Variants in CFAP46 observed in about 807,000 individuals in gnomAD.
CFAP46 encodes the protein cilia and flagella associated protein 46, also known as cilia- and flagella-associated protein 46.
A neutral mutation model predicts 325.7 loss-of-function variants in CFAP46; 245 were observed. The ratio of observed to expected loss-of-function variants is 0.75; its 90% CI spans 0.68 to 0.84. CFAP46 has a LOEUF of 0.84. Among genes scored for constraint, CFAP46 ranks in the 40% least tolerant of loss-of-function variants. CFAP46 has a pLI of 0.00. For synonymous variants in CFAP46, 1,523 were observed against 1,495.9 expected (o/e 1.02, Z -0.42); for missense variants, 3,346 against 3,543.0 (o/e 0.94, Z 1.41).
chr10:132,809,850 G>A (rs138723318), intron 57 of CFAP46, among the ~76,000 whole-genome samples: 1,817 of 152,296 alleles, frequency 0.012, 48 homozygotes, highest in African/African-American at 0.041. Flanking sequence ...AGAGAGGGAC[G>A]GGCGCTGGAT....
At position 132,924,846 on chromosome 10, in the gene CFAP46, T is replaced by C; in HGVS notation, c.1106A>G (p.Gln369Arg). 1 of 1,434,682 alleles carries C rather than the reference T, an allele frequency of 7.0e-7. No homozygotes were observed. Among genetic ancestry groups the C allele is most frequent in the Non-Finnish European group, 9.2e-7 (1 of 1,087,080 alleles). 88.9% of individuals were successfully genotyped at this position (1,434,682 alleles called of 1,614,324 possible). ...DIIQRLDVAL[Q>R]RAVRLGDPRV... ...GGGGTCGCCCAGGCGCACGGCTCGC[T>C]GCAGCGCGACGTCTAGCCTCTGTAT... Residue 369 changes from glutamine to arginine, a missense_variant, in exon 11 of 58, where the codon CAG (glutamine) becomes CGG (arginine). Coordinates refer to ENST00000368586, the MANE Select transcript of CFAP46 (RefSeq NM_001200049.3).
At chr10:132,916,761 C>T in intron 16 of CFAP46, 79 bp from the exon 17 acceptor site, 1 of 1,396,076 alleles carries the variant, frequency 7.2e-7, no homozygotes, top group South Asian at 1.6e-5. Context: ...ACACGCCCTT[C>T]CCTCAGCTCT....
At chr10:132,841,809 C>T (rs12266964) in intron 44 of CFAP46, among the ~76,000 whole-genome samples, 2 of 152,130 alleles carry the variant, frequency 1.3e-5, no homozygotes, top group African/African-American at 2.4e-5. Context: ...ATTTAGGGAG[C>T]ATGGTCCCCA....
rs1591087381 is a variant in CFAP46 at position 132,913,056 on chromosome 10, C to T, written c.2323G>A (p.Gly775Ser). 4.5e-6 allele frequency: 7 copies of T among 1,549,992 alleles called. No homozygotes were observed. The highest frequency in any genetic ancestry group is 1.7e-4 in the Middle Eastern group (1 of 5,722). ...YHLLSIVKAT[G>S]HSGDPVMLVT... ...ACAGCCCACACGCACCCACTGTGGC[C>T]TGTGGCCTTAACGATGCTCAGGAGG... Residue 775 changes from glycine (G) to serine (S), a missense_variant, in exon 18 of 58, where the codon GGC (glycine) becomes AGC (serine). Transcript: ENST00000368586.
chr10:132,818,437 C>G (rs1176105760), intron 50 of CFAP46, among the ~76,000 whole-genome samples: 1 of 152,100 alleles, frequency 6.6e-6, no homozygotes, highest in Non-Finnish European at 1.5e-5. Flanking sequence ...CACCTAATGA[C>G]AAACCACAGC....
intron 48 of CFAP46, 116 bp from the exon 49 acceptor site, chr10:132,834,239 G>T: frequency 1.1e-6 from 1 of 932,438 alleles, no homozygotes; most frequent in Non-Finnish European, 1.6e-6. Flanking sequence ...GAATCCCCAC[G>T]CTCACTTCTG....
chr10:132,857,783 C>T lies in CFAP46; in HGVS notation c.5381G>A (p.Arg1794His), dbSNP rs762105561. The T allele has an allele frequency of 6.5e-5, 100 of 1,537,612 alleles. 1 individual carries two copies. The highest frequency in any genetic ancestry group is 7.3e-5 in the East Asian group (3 of 41,078). Residue 1794 changes from arginine (R) to histidine (H), a missense_variant, in exon 39 of 58, where the codon CGT becomes CAT. By Grantham distance (29) the Arg-to-His change is conservative. Transcript: ENST00000368586. ...TTCTTCATCTTTCTCGTTCTGGGCA[C>T]GTAACCTTTATAAGACATAAGAATG... ...KLERAKIKRLRAQNEKDEEQK... is the reference protein window; with the variant it reads ...KLERAKIKRLHAQNEKDEEQK...
At chr10:132,860,689 G>T (rs1848709104) in intron 36 of CFAP46, 93 bp downstream of exon 36, 5 of 1,381,376 alleles carry the variant, frequency 3.6e-6, no homozygotes, top group African/African-American at 1.4e-5. Flanking sequence ...GTCATCAGCG[G>T]TCTGCCAGGC....
chr10:132,822,432 T>C (rs1367835796), intron 50 of CFAP46, among the ~76,000 whole-genome samples: 1 of 145,464 alleles, frequency 6.9e-6, no homozygotes, highest in Non-Finnish European at 1.5e-5. Flanking sequence ...TGGTGATGTG[T>C]GCTGTGTGTG....
chr10:132,935,866 A>G (rs12764940), intron 7 of CFAP46, among the ~76,000 whole-genome samples: 7 of 108,882 alleles, frequency 6.4e-5, no homozygotes, highest in Non-Finnish European at 9.4e-5. Context: ...CACAGCCCTC[A>G]GCACCCAAAC....
At chr10:132,814,004 A>G in intron 54 of CFAP46, 148 bp downstream of exon 54, 1 of 648,370 alleles carries the variant, frequency 1.5e-6, no homozygotes, top group Non-Finnish European at 2.7e-6. Context: ...TGAGGATTCA[A>G]GGAGCTGGGT....
Position 132,910,078 on chromosome 10 carries a change from A to G in CFAP46, c.2500-10T>C. ...GGGCAAACTCGCAGACCTAGGACAGACGTGTTCTCGGTCACGAAACCTGAA... is the reference window on the plus strand; with the variant it reads ...GGGCAAACTCGCAGACCTAGGACAGGCGTGTTCTCGGTCACGAAACCTGAA... On this transcript the variant is annotated splice_polypyrimidine_tract_variant and intron_variant, in intron 19 of 57. Coordinates refer to ENST00000368586, the MANE Select transcript of CFAP46 (RefSeq NM_001200049.3). 7.0e-7 allele frequency: 1 copy of G among 1,419,096 alleles called. No individual in the cohort carries two copies. The highest frequency in any genetic ancestry group is 2.9e-5 in the East Asian group (1 of 34,874). The allele number at this position is 1,419,096 out of a possible 1,614,324, so 87.9% of individuals were successfully genotyped here.
At chr10:132,935,164 T>G (rs12217392) in intron 7 of CFAP46, among the ~76,000 whole-genome samples, 3,540 of 152,176 alleles carry the variant, frequency 0.023, 73 homozygotes, top group Non-Finnish European at 0.026. Context: ...GCACTCTCTC[T>G]GCTCAACGGC....
intron 50 of CFAP46, among the ~76,000 whole-genome samples, chr10:132,815,600 T>G (rs1847679407): frequency 6.6e-6 from 1 of 152,226 alleles, no homozygotes; most frequent in Non-Finnish European, 1.5e-5. Context: ...ATGCTTGCAC[T>G]GTTCCTCTAG....
rs564749136 is a variant in CFAP46, at chr10:132,818,546, A to G, written c.7118-3632T>C. 1.8e-4 allele frequency among the ~76,000 whole-genome samples: 28 copies of G among 152,268 alleles called. No homozygotes were observed. The South Asian group carries it at 5.8e-3, about 32-fold the overall frequency. On this transcript the variant is annotated intron_variant, in intron 50 of 57. Transcript: ENST00000368586. Reference sequence around the variant, plus strand: ...CAGCGCTGGAAGTCCCCACCAGAGCAGTCGGGAAAGAAAGAGAAATAACAG... The same window carrying G: ...CAGCGCTGGAAGTCCCCACCAGAGCGGTCGGGAAAGAAAGAGAAATAACAG...
intron 35 of CFAP46, 34 bp downstream of exon 35, chr10:132,865,988 GGCT>G: frequency 3.4e-6 from 5 of 1,457,318 alleles, no homozygotes; most frequent in Non-Finnish European, 4.5e-6. Context: ...CGCTGGGAGC[GGCT>G]GTGGATGGTG....
Position 132,828,125 on chromosome 10 carries a change from T to C in CFAP46, c.7117+5233A>G, listed in dbSNP as rs193137945. 2.0e-5 allele frequency among the ~76,000 whole-genome samples: 3 copies of C among 152,364 alleles called. No homozygotes were observed. The highest frequency in any genetic ancestry group is 2.0e-4 in the Admixed American group (3 of 15,304). On this transcript the variant is annotated intron_variant, in intron 50 of 57. Transcript: ENST00000368586. This position sits in a 1 kb window ranked among gnomAD's most constrained non-coding sequence, Gnocchi z 4.9. ...CCGTCCTGTGGGTGATGGATCTTTC[T>C]GTGGTTTCCCGGTTTAGGTCATTGC...
intron 5 of CFAP46, among the ~76,000 whole-genome samples, chr10:132,938,056 T>C (rs926382112): frequency 2.0e-5 from 3 of 151,778 alleles, no homozygotes; most frequent in Non-Finnish European, 4.4e-5. Flanking sequence ...GCACAGAGAG[T>C]GCCGCAGACA....
In CFAP46 at chr10:132,910,027, G is replaced by A. The variant is rs947747476; in HGVS notation, c.2541C>T (p.Pro847=). The A allele has an allele frequency of 2.1e-5, 33 of 1,537,016 alleles. No homozygotes were observed. The East Asian group carries it at 4.3e-4, about 20-fold the overall frequency. ...FALNLTNGSA[P]EETVPTGTRQ... is the part of the protein sequence containing the mutation. ...GGGTGCCGGTGGGCACCGTCTCCTC[G>A]GGCGCACTCCCATTGGTCAGGTTCA... Residue 847 remains proline (P), a synonymous_variant, in exon 20 of 58, where the codon CCC becomes CCT. Coordinates refer to ENST00000368586, the MANE Select transcript of CFAP46 (RefSeq NM_001200049.3).
Sources: gnomAD v4.1 joint callset for allele counts (sites outside exome capture counted in the v4.1 genomes callset) on GRCh38, gnomAD v4.1.1 for gene constraint, Gnocchi (gnomAD v3.1) non-coding constraint, MANE v1.5 for transcripts, NCBI Gene and HGNC (gene_info 2026-07-23, HGNC 2026-07-21) for gene names.